Variants in TENM3 observed in about 807,000 individuals in gnomAD.
TENM3 encodes teneurin transmembrane protein 3, also known as teneurin-3.
A neutral mutation model predicts 255.1 loss-of-function variants in TENM3; 63 were observed. That is an observed-to-expected ratio of 0.25 (90% CI 0.20 to 0.30). The LOEUF is 0.30. Ranked by LOEUF, TENM3 falls within the 10% of genes least tolerant of loss-of-function variation. The probability of loss-of-function intolerance (pLI) is 1.00; values close to 1 mark genes in which losing one functional copy is unlikely to be tolerated. For missense variants in TENM3, 2,929 were observed against 3,461.1 expected, an observed-to-expected ratio of 0.85 and a Z score of 3.86; for synonymous variants, 1,306 against 1,322.3, an observed-to-expected ratio of 0.99 and a Z score of 0.27.
the TENM3 span, among the ~76,000 whole-genome samples, chr4:181,770,697 A>G: frequency 4.6e-3 from 646 of 139,650 alleles, 7 homozygotes; most frequent in African/African-American, 0.016. Flanking sequence ...AAAAAAAAAA[A>G]GAGTGAGGAA....
the TENM3 span, among the ~76,000 whole-genome samples, chr4:181,878,353 G>T: frequency 2.6e-5 from 4 of 152,064 alleles, no homozygotes; most frequent in Non-Finnish European, 5.9e-5. Flanking sequence ...GAGGAGAGAA[G>T]AGGGAGGAAC....
chr4:182,306,398 T>G (rs1580099448), intron 1 of TENM3, among the ~76,000 whole-genome samples: 1 of 152,120 alleles, frequency 6.6e-6, no homozygotes, highest in South Asian at 2.1e-4. Context: ...CCAAGTTACT[T>G]TGAAAGCATA....
At chr4:181,471,956 G>T in the TENM3 span, among the ~76,000 whole-genome samples, 1 of 152,232 alleles carries the variant, frequency 6.6e-6, no homozygotes, top group East Asian at 1.9e-4. Flanking sequence ...ACTTAGCAAA[G>T]CTTATTAGTT....
the TENM3 span, among the ~76,000 whole-genome samples, chr4:181,555,325 C>T: frequency 3.9e-5 from 6 of 152,072 alleles, no homozygotes; most frequent in Non-Finnish European, 8.8e-5. Context: ...CTGTCTCATT[C>T]GAGACTATAT....
chr4:181,628,962 C>G, the TENM3 span, among the ~76,000 whole-genome samples: 1 of 152,154 alleles, frequency 6.6e-6, no homozygotes, highest in Non-Finnish European at 1.5e-5. Flanking sequence ...TCTTCCTACC[C>G]ATGAGCATAG....
At chr4:182,427,781 A>G (rs1450907393) in intron 3 of TENM3, among the ~76,000 whole-genome samples, 1 of 152,190 alleles carries the variant, frequency 6.6e-6, no homozygotes, top group Non-Finnish European at 1.5e-5. Context: ...GAATTCAGAC[A>G]CATACACAGT....
the TENM3 span, among the ~76,000 whole-genome samples, chr4:181,834,168 G>A: frequency 6.7e-6 from 1 of 150,340 alleles, no homozygotes; most frequent in African/African-American, 2.4e-5. Flanking sequence ...TTGGCCCATA[G>A]CATTTGTCCC....
At chr4:181,784,884 A>G in the TENM3 span, among the ~76,000 whole-genome samples, 2 of 152,182 alleles carry the variant, frequency 1.3e-5, no homozygotes, top group Admixed American at 1.3e-4. Context: ...AGTGAGAGAT[A>G]AGTTATTTTA....
At position 182,689,698 on chromosome 4, in the gene TENM3, C is replaced by T. The variant is rs368532377; in HGVS notation, c.2221+1347C>T. Among the ~76,000 whole-genome samples the T allele has an allele frequency of 7.9e-5, 12 of 152,276 alleles. No individual in the cohort carries two copies. The East Asian group carries it at 2.1e-3, about 27-fold the overall frequency. ...TCCTTTTCCCAGCAGCGAAACGAAT[C>T]GACATATTTGCAGTATTTCTGCCCA... On this transcript the variant is annotated intron_variant, in intron 12 of 27. Coordinates refer to ENST00000511685, the MANE Select transcript of TENM3 (RefSeq NM_001080477.4).
the TENM3 span, among the ~76,000 whole-genome samples, chr4:181,776,928 AT>A: frequency 7.0e-3 from 1,064 of 151,900 alleles, 9 homozygotes; most frequent in African/African-American, 0.025. Flanking sequence ...AAGTCTTTTA[AT>A]TTAATTAAGT....
the TENM3 span, among the ~76,000 whole-genome samples, chr4:182,082,560 C>A: frequency 6.6e-6 from 1 of 152,166 alleles, no homozygotes; most frequent in African/African-American, 2.4e-5. Flanking sequence ...CTTTAGTTAT[C>A]TGAGCTGAGA....
intron 4 of TENM3, among the ~76,000 whole-genome samples, chr4:182,620,256 C>T (rs1749981798): frequency 1.3e-5 from 2 of 152,118 alleles, no homozygotes; most frequent in African/African-American, 4.8e-5. Flanking sequence ...TTCAGTATTC[C>T]ATTCCTTCGT....
intron 3 of TENM3, among the ~76,000 whole-genome samples, chr4:182,569,938 C>T (rs889950235): frequency 5.3e-5 from 8 of 152,150 alleles, no homozygotes; most frequent in Non-Finnish European, 7.4e-5. Context: ...AGAGAATGTG[C>T]AGGTAGGATA....
the TENM3 span, among the ~76,000 whole-genome samples, chr4:181,850,086 T>C: frequency 6.6e-6 from 1 of 151,916 alleles, no homozygotes; most frequent in East Asian, 1.9e-4. Context: ...CCTCCCTCCG[T>C]TCTGCTTCCC....
intron 1 of TENM3, among the ~76,000 whole-genome samples, chr4:182,212,612 A>G (rs1003453125): frequency 1.3e-5 from 2 of 152,148 alleles, no homozygotes; most frequent in African/African-American, 2.4e-5. Flanking sequence ...GATTGCTTAC[A>G]TAAAATGCTC....
chr4:181,826,644 C>T, the TENM3 span, among the ~76,000 whole-genome samples: 1 of 152,102 alleles, frequency 6.6e-6, no homozygotes, highest in African/African-American at 2.4e-5. Context: ...AAAAGGCAAC[C>T]AGCGTTTTGT....
intron 3 of TENM3, among the ~76,000 whole-genome samples, chr4:182,385,554 C>G (rs1187828962): frequency 6.6e-6 from 1 of 152,120 alleles, no homozygotes; most frequent in East Asian, 1.9e-4. Flanking sequence ...CGTGAGCCAC[C>G]GCGCCCAGCC....
the TENM3 span, among the ~76,000 whole-genome samples, chr4:181,750,451 C>T: frequency 2.6e-5 from 4 of 152,164 alleles, no homozygotes; most frequent in African/African-American, 9.6e-5. Context: ...GCCCTTTCTT[C>T]TGGTTTCTGT....
chr4:181,627,822 C>A, the TENM3 span, among the ~76,000 whole-genome samples: 1 of 152,134 alleles, frequency 6.6e-6, no homozygotes, highest in African/African-American at 2.4e-5. Context: ...ATTATGGCAG[C>A]ATGATTTATA....
Sources: allele counts gnomAD v4.1 joint callset (sites outside exome capture counted in the v4.1 genomes callset), GRCh38; gene constraint gnomAD v4.1.1; transcripts MANE v1.5; gene names NCBI Gene and HGNC (gene_info 2026-07-23, HGNC 2026-07-21).